Variants in CREB3L2 observed in about 807,000 individuals in gnomAD.
CREB3L2 encodes cAMP responsive element binding protein 3 like 2.
A neutral mutation model predicts 57.2 loss-of-function variants in CREB3L2; 23 were observed. That is an observed-to-expected ratio of 0.40 (90% confidence interval 0.29 to 0.57). The LOEUF (loss-of-function observed/expected upper bound fraction) is 0.57. Ranked by LOEUF, CREB3L2 falls within the 20% of genes least tolerant of loss-of-function variation. The probability of loss-of-function intolerance (pLI) is 0.42; values close to 1 mark genes in which losing one functional copy is unlikely to be tolerated. For missense variants in CREB3L2, 628 were observed against 634.7 expected (o/e 0.99, Z 0.11); for synonymous variants, 268 against 265.1 (o/e 1.01, Z -0.11).
rs1263647277 is a variant in CREB3L2, at chr7:137,880,502, C to A, written c.1537G>T (p.Asp513Tyr). 3 of 1,613,758 alleles carry A rather than the reference C, an allele frequency of 1.9e-6. No homozygotes were observed. The highest frequency in any genetic ancestry group is 1.7e-5 in the Admixed American group (1 of 59,984). Reference sequence around the variant, plus strand: ...TAGAAAGTGGTGTTCACTCTTCTGTCGAGTTCTACAACTTTTAGTGTTTCA... The same window carrying A: ...TAGAAAGTGGTGTTCACTCTTCTGTAGAGTTCTACAACTTTTAGTGTTTCA... ...GNETLKVVELDRRVNTTF is the reference protein window; with the variant it reads ...GNETLKVVELYRRVNTTF The change falls in exon 12 of 12, where the codon GAC becomes TAC. Residue 513 changes from aspartate (D) to tyrosine (Y), a missense_variant. Coordinates refer to ENST00000330387, the MANE Select transcript of CREB3L2 (RefSeq NM_194071.4). The surrounding 1 kb of genome is among the most constrained non-coding windows in gnomAD (Gnocchi z 4.0).
At chr7:137,964,132 A>G (rs1198398692) in intron 1 of CREB3L2, among the ~76,000 whole-genome samples, 2 of 152,190 alleles carry the variant, frequency 1.3e-5, no homozygotes, top group Admixed American at 6.5e-5. Flanking sequence ...CCTGGCCAAC[A>G]TGGTGAAACC....
chr7:137,996,330 A>G (rs1801988147), intron 1 of CREB3L2, among the ~76,000 whole-genome samples: 1 of 152,376 alleles, frequency 6.6e-6, no homozygotes, highest in African/African-American at 2.4e-5. Context: ...TGTCTAAGAA[A>G]GGAGGGGAAC....
chr7:137,979,383 C>T (rs1801671866), intron 1 of CREB3L2, among the ~76,000 whole-genome samples: 1 of 152,200 alleles, frequency 6.6e-6, no homozygotes. Context: ...CAGGCCAAGA[C>T]ATCAAAAAGC....
intron 2 of CREB3L2, among the ~76,000 whole-genome samples, chr7:137,922,384 G>GTGTATATA (rs1222708681): frequency 2.6e-4 from 5 of 19,582 alleles, no homozygotes; most frequent in Non-Finnish European, 4.2e-4. Context: ...ATATATATAT[G>GTGTATATA]TATATATATA....
Position 137,880,286 on chromosome 7 carries a change from A to AG in CREB3L2, c.*189dup. Reference sequence around the variant, plus strand: ...GGATGCAGGCTCCCTTCTGCACAGGAGGGGCATGGACCAGGGGGAGATGCT... The same window carrying AG: ...GGATGCAGGCTCCCTTCTGCACAGGAGGGGGCATGGACCAGGGGGAGATGCT... On this transcript the variant is annotated 3_prime_UTR_variant, in exon 12 of 12. Transcript: ENST00000330387. The surrounding 1 kb of genome is among the most constrained non-coding windows in gnomAD (Gnocchi z 4.0). 1.7e-6 allele frequency: 1 copy of AG among 604,462 alleles called. No individual in the cohort carries two copies. The highest frequency in any genetic ancestry group is 2.0e-5 in the South Asian group (1 of 50,678). The allele number at this position is 604,462 out of a possible 1,614,324, so 37.4% of individuals were successfully genotyped here. A position where few individuals can be genotyped will look rare whatever the true frequency, so the allele number is the denominator to read the frequency against.
Position 137,918,696 on chromosome 7 carries a change from G to C in CREB3L2, c.320-2684C>G, listed in dbSNP as rs78449981. Among the ~76,000 whole-genome samples, 397 of 152,104 alleles carry C rather than the reference G, an allele frequency of 2.6e-3. 2 individuals carry two copies. Among genetic ancestry groups the C allele is most frequent in the Non-Finnish European group, 4.6e-3 (311 of 68,002 alleles). On this transcript the variant is annotated intron_variant, in intron 2 of 11. Transcript: ENST00000330387. ...CCTTGACTGTGCAGTGAAGGCAACT[G>C]TGATGAAACTTAATTCACAAGGCAA...
intron 1 of CREB3L2, among the ~76,000 whole-genome samples, chr7:137,971,374 T>C (rs1047379659): frequency 4.0e-5 from 6 of 149,558 alleles, no homozygotes; most frequent in Non-Finnish European, 8.9e-5. Flanking sequence ...GGCGTGAACC[T>C]GGGAGGCGGA....
chr7:137,908,466 C>T, intron 4 of CREB3L2, 30 bp from the exon 5 acceptor site: 1 of 1,248,436 alleles, frequency 8.0e-7, no homozygotes, highest in Non-Finnish European at 1.0e-6. Context: ...TCTCATCCAT[C>T]CCAGAGCCAC....
intron 1 of CREB3L2, among the ~76,000 whole-genome samples, chr7:137,954,589 C>T (rs1198731584): frequency 6.6e-6 from 1 of 152,150 alleles, no homozygotes; most frequent in Non-Finnish European, 1.5e-5. Context: ...CCAAACTACC[C>T]TAGGAGCACT....
chr7:137,999,100 CAT>C (rs1563277929), intron 1 of CREB3L2, among the ~76,000 whole-genome samples: 1 of 151,744 alleles, frequency 6.6e-6, no homozygotes, highest in East Asian at 1.9e-4. Flanking sequence ...ATCTGAAATA[CAT>C]GATATTAACA....
chr7:137,914,117 C>T (rs1293150532), intron 3 of CREB3L2, among the ~76,000 whole-genome samples: 2 of 151,156 alleles, frequency 1.3e-5, no homozygotes, highest in Non-Finnish European at 2.9e-5. Context: ...CAAGCCACAT[C>T]CTTTCTCTTA....
chr7:137,979,639 T>C (rs1801677641), intron 1 of CREB3L2, among the ~76,000 whole-genome samples: 1 of 152,086 alleles, frequency 6.6e-6, no homozygotes, highest in African/African-American at 2.4e-5. Flanking sequence ...GGCAGGAGAA[T>C]GGCGTGAACC....
intron 1 of CREB3L2, among the ~76,000 whole-genome samples, chr7:137,941,354 G>A (rs909689451): frequency 1.2e-4 from 19 of 152,220 alleles, no homozygotes; most frequent in African/African-American, 3.9e-4. Context: ...CTATGAACAC[G>A]GAAGTGACTT....
At position 137,978,054 on chromosome 7, in the gene CREB3L2, C is replaced by T. The variant is rs558799683; in HGVS notation, c.102+23550G>A. ...CAATTAGCCTTTTCTGAAGAGATTC[C>T]TCACAATCTTAGTCATCATATCAGC... On this transcript the variant is annotated intron_variant, in intron 1 of 11. Coordinates refer to ENST00000330387, the MANE Select transcript of CREB3L2 (RefSeq NM_194071.4). Among the ~76,000 whole-genome samples the T allele has an allele frequency of 1.4e-3, 218 of 152,086 alleles. 1 individual carries two copies. The highest frequency in any genetic ancestry group is 4.9e-3 in the African/African-American group (204 of 41,470).
intron 4 of CREB3L2, 143 bp from the exon 5 acceptor site, chr7:137,908,579 G>T: frequency 2.1e-6 from 1 of 476,612 alleles, no homozygotes; most frequent in Non-Finnish European, 3.4e-6. Context: ...GGATATGGGA[G>T]TCCTCCTTTT....
intron 8 of CREB3L2, among the ~76,000 whole-genome samples, chr7:137,890,131 G>A (rs1038215975): frequency 3.9e-5 from 6 of 152,076 alleles, no homozygotes; most frequent in Non-Finnish European, 5.9e-5. Context: ...TATTAAAAGA[G>A]ACTAAGCCAT....
At chr7:137,953,575 A>G in intron 1 of CREB3L2, 1 of 1,158,858 alleles carries the variant, frequency 8.6e-7, no homozygotes, top group South Asian at 1.3e-5. Flanking sequence ...TGACGGTCTC[A>G]GAATGTGACT....
intron 2 of CREB3L2, among the ~76,000 whole-genome samples, chr7:137,920,589 T>C (rs1800252626): frequency 6.6e-6 from 1 of 152,224 alleles, no homozygotes; most frequent in Admixed American, 6.5e-5. Context: ...TAGCCGAATG[T>C]ATGAAAAATA....
Position 137,941,684 on chromosome 7 carries a change from A to G in CREB3L2, c.103-13318T>C, listed in dbSNP as rs180688182. Among the ~76,000 whole-genome samples, 6 of 152,338 alleles carry G rather than the reference A, an allele frequency of 3.9e-5. No homozygotes were observed. In the East Asian group the frequency reaches 1.2e-3, roughly 29 times the overall value. ...AGAAACAAGAGAGATCAGAAAGGCA[A>G]GCTCCAGTATTTTAAATGAAGAACC... On this transcript the variant is annotated intron_variant, in intron 1 of 11. Coordinates refer to ENST00000330387, the MANE Select transcript of CREB3L2 (RefSeq NM_194071.4).
Sources: gnomAD v4.1 joint callset for allele counts (sites outside exome capture counted in the v4.1 genomes callset) on GRCh38, gnomAD v4.1.1 for gene constraint, Gnocchi (gnomAD v3.1) non-coding constraint, MANE v1.5 for transcripts, NCBI Gene and HGNC (gene_info 2026-07-23, HGNC 2026-07-21) for gene names.